The following SUFU variants were observed in gnomAD, a reference collection of about 807,000 sequenced individuals.
SUFU encodes the protein SUFU negative regulator of hedgehog signaling.
Under a neutral mutation model 58.9 loss-of-function variants are expected in SUFU, and 7 were observed. The observed-to-expected ratio is 0.12, with a 90% CI of 0.07 to 0.22. The LOEUF is 0.22. Ranked by LOEUF, SUFU falls within the 10% of genes least tolerant of loss-of-function variation. SUFU has a pLI of 1.00. For missense variants in SUFU, 451 were observed against 641.3 expected (o/e 0.70, Z 3.20); for synonymous variants, 232 against 254.8 (o/e 0.91, Z 0.85).
chr10:102,529,859 C>T lies in SUFU; in HGVS notation c.318-20111C>T, dbSNP rs1406353395. Among the ~76,000 whole-genome samples the T allele has an allele frequency of 2.0e-5, 3 of 151,474 alleles. No individual in the cohort carries two copies. The East Asian group carries it at 5.8e-4, about 29-fold the overall frequency. On this transcript the variant is annotated intron_variant, in intron 2 of 11. Coordinates refer to ENST00000369902, the MANE Select transcript of SUFU (RefSeq NM_016169.4). ...ACTCGGGAGGCTGAGGCAGGAGAAT[C>T]GCTTGAACCCGGGAGGCAGAGGTTG...
intron 2 of SUFU, among the ~76,000 whole-genome samples, chr10:102,514,573 C>G (rs1388749026): frequency 6.6e-6 from 1 of 152,226 alleles, no homozygotes; most frequent in Admixed American, 6.5e-5. Context: ...AACCCCAAGG[C>G]TGCTCCCAAC....
At chr10:102,561,843 A>T (rs960468584) in intron 3 of SUFU, among the ~76,000 whole-genome samples, 1 of 151,680 alleles carries the variant, frequency 6.6e-6, no homozygotes. Flanking sequence ...TAATTTTTAA[A>T]TTTTTTGTGG....
At chr10:102,627,341 CT>C in intron 11 of SUFU, 98 bp downstream of exon 11, 1 of 1,116,786 alleles carries the variant, frequency 9.0e-7, no homozygotes, top group Non-Finnish European at 1.4e-6. Flanking sequence ...GCGTGTGTAC[CT>C]GTGGTGCGTG....
intron 2 of SUFU, among the ~76,000 whole-genome samples, chr10:102,520,216 T>TC (rs957762982): frequency 3.2e-5 from 2 of 61,646 alleles, no homozygotes; most frequent in African/African-American, 1.3e-4. Flanking sequence ...TTCTTTCTTT[T>TC]TTTTTTTTTT....
chr10:102,533,195 A>G (rs565396780), intron 2 of SUFU, among the ~76,000 whole-genome samples: 1 of 152,316 alleles, frequency 6.6e-6, no homozygotes, highest in South Asian at 2.1e-4. Flanking sequence ...AATTACCACA[A>G]AATTAGTGTC....
At chr10:102,583,980 G>A (rs1385303362) in intron 3 of SUFU, among the ~76,000 whole-genome samples, 3 of 152,200 alleles carry the variant, frequency 2.0e-5, no homozygotes, top group Non-Finnish European at 4.4e-5. Context: ...TAAACCAGGA[G>A]CAATGGTGCC....
intron 2 of SUFU, among the ~76,000 whole-genome samples, chr10:102,546,756 T>C (rs2062859885): frequency 1.3e-5 from 2 of 152,320 alleles, no homozygotes; most frequent in African/African-American, 2.4e-5. Flanking sequence ...TCCAAACTCA[T>C]GTTTCAGGGT....
chr10:102,630,053 G>C lies in SUFU; in HGVS notation c.1366-13G>C, dbSNP rs748195022. The C allele has an allele frequency of 3.7e-6, 6 of 1,612,836 alleles. No individual in the cohort carries two copies. Among genetic ancestry groups the C allele is most frequent in the Non-Finnish European group, 5.1e-6 (6 of 1,178,822 alleles). ...CCACTCACACTCCTGGTCTGTGCTT[G>C]CTCCCTCCACAGTTCAAACTTCCCA... On this transcript the variant is annotated splice_polypyrimidine_tract_variant and intron_variant, in intron 11 of 11. Transcript: ENST00000369902.
Position 102,617,830 on chromosome 10 carries a change from C to G in SUFU, c.1296+402C>G, listed in dbSNP as rs1450570308. The G allele has an allele frequency of 2.2e-6, 1 of 448,826 alleles. No homozygotes were observed. The highest frequency in any genetic ancestry group is 3.9e-6 in the Non-Finnish European group (1 of 255,156). 27.8% of individuals were successfully genotyped at this position (448,826 alleles called of 1,614,324 possible). On this transcript the variant is annotated intron_variant, in intron 10 of 11. Transcript: ENST00000369902. This position sits in a 1 kb window ranked among gnomAD's most constrained non-coding sequence, Gnocchi z 4.4. Reference sequence around the variant, plus strand: ...ACTCTCCAATGGCTACATGGAAATCCCACCAGAATTCAGACAGTGGCATGT... The same window carrying G: ...ACTCTCCAATGGCTACATGGAAATCGCACCAGAATTCAGACAGTGGCATGT...
intron 2 of SUFU, among the ~76,000 whole-genome samples, chr10:102,514,118 C>T (rs1476927264): frequency 6.6e-6 from 1 of 151,984 alleles, no homozygotes; most frequent in African/African-American, 2.4e-5. Flanking sequence ...AACTACTGGA[C>T]TCAAGCAATC....
intron 3 of SUFU, among the ~76,000 whole-genome samples, chr10:102,582,650 G>A (rs2063293740): frequency 6.6e-6 from 1 of 152,224 alleles, no homozygotes; most frequent in African/African-American, 2.4e-5. Context: ...AGTGAGCAAG[G>A]TGTAGAACTG....
intron 2 of SUFU, among the ~76,000 whole-genome samples, chr10:102,548,689 C>T (rs10883735): frequency 0.1 from 15,356 of 152,174 alleles, 1,247 homozygotes; most frequent in East Asian, 0.41. Context: ...CTGGATGCTT[C>T]CCTTACCTGG....
At chr10:102,591,389 A>G (rs2063399199) in intron 3 of SUFU, 1 of 152,038 alleles carries the variant, frequency 6.6e-6, no homozygotes, top group African/African-American at 2.4e-5. Context: ...AATCCCAGCT[A>G]CTCAGGAGGC....
At chr10:102,592,246 G>A (rs1335691617) in intron 3 of SUFU, among the ~76,000 whole-genome samples, 1 of 152,194 alleles carries the variant, frequency 6.6e-6, no homozygotes, top group Non-Finnish European at 1.5e-5. Flanking sequence ...TTTCTTGGCA[G>A]ATCCAGTCAT....
chr10:102,615,556 C>T (rs1217048142), intron 9 of SUFU, among the ~76,000 whole-genome samples, 154 bp downstream of exon 9: 1 of 152,192 alleles, frequency 6.6e-6, no homozygotes, highest in Admixed American at 6.5e-5. Flanking sequence ...TCCCTGTCTC[C>T]CTGATGAGGG....
chr10:102,575,165 A>G (rs2063201947), intron 3 of SUFU, among the ~76,000 whole-genome samples: 1 of 151,948 alleles, frequency 6.6e-6, no homozygotes, highest in Non-Finnish European at 1.5e-5. Flanking sequence ...AGTGAGCCAT[A>G]ATGGTGCCAC....
intron 2 of SUFU, among the ~76,000 whole-genome samples, chr10:102,538,242 C>T (rs1482315832): frequency 6.6e-6 from 1 of 152,164 alleles, no homozygotes; most frequent in Non-Finnish European, 1.5e-5. Context: ...TAATGTCCTA[C>T]CACATAATGT....
chr10:102,607,620 A>G (rs72845100), intron 8 of SUFU, among the ~76,000 whole-genome samples: 2,596 of 152,250 alleles, frequency 0.017, 21 homozygotes, highest in Non-Finnish European at 0.027. Flanking sequence ...AAAGCCTGAA[A>G]AGGAAATACC....
At chr10:102,590,160 CTT>C (rs1287182435) in intron 3 of SUFU, among the ~76,000 whole-genome samples, 2 of 46,478 alleles carry the variant, frequency 4.3e-5, no homozygotes, top group Admixed American at 3.5e-4. Context: ...TTTCTTTTTT[CTT>C]TTTTTTTTTT....
Sources: allele counts gnomAD v4.1 joint callset (sites outside exome capture counted in the v4.1 genomes callset), GRCh38; gene constraint gnomAD v4.1.1; non-coding constraint Gnocchi (gnomAD v3.1); transcripts MANE v1.5; gene names NCBI Gene and HGNC (gene_info 2026-07-23, HGNC 2026-07-21).